STK33: variants seen among roughly 807,000 people sequenced by gnomAD.
The protein encoded by STK33 is serine/threonine-protein kinase 33.
In STK33, 52 loss-of-function variants were observed where a neutral mutation model predicts 58.0. The observed-to-expected ratio is 0.90, with a 90% CI of 0.72 to 1.13. STK33 has a LOEUF of 1.13. STK33 is among the 50% of genes most tolerant of loss of function. The pLI is 0.00. For synonymous variants in STK33, 215 were observed against 200.1 expected (o/e 1.07, Z -0.63); for missense variants, 630 against 604.2 (o/e 1.04, Z -0.45).
intron 15 of STK33, among the ~76,000 whole-genome samples, chr11:8,399,477 A>G (rs1439696993): frequency 6.6e-6 from 1 of 152,182 alleles, no homozygotes; most frequent in Non-Finnish European, 1.5e-5. Flanking sequence ...AGTGTGTAGA[A>G]GGAAATTTAT....
At chr11:8,406,182 A>T (rs182723507) in intron 15 of STK33, among the ~76,000 whole-genome samples, 42 of 149,864 alleles carry the variant, frequency 2.8e-4, no homozygotes, top group African/African-American at 9.5e-4. Context: ...AACTGACTGT[A>T]TAAACATGGG....
intron 11 of STK33, among the ~76,000 whole-genome samples, chr11:8,443,710 A>T (rs2136514028): frequency 6.6e-6 from 1 of 152,316 alleles, no homozygotes; most frequent in South Asian, 2.1e-4. Context: ...TATAATAAAA[A>T]ACAAACCACT....
chr11:8,417,126 T>C (rs945487202), intron 14 of STK33, among the ~76,000 whole-genome samples: 79 of 152,106 alleles, frequency 5.2e-4, no homozygotes, highest in African/African-American at 1.9e-3. Flanking sequence ...AACACTAACC[T>C]CTGAACTCCT....
At chr11:8,475,338 T>C (rs963918995) in intron 4 of STK33, 2 of 154,046 alleles carry the variant, frequency 1.3e-5, no homozygotes, top group African/African-American at 4.8e-5. Context: ...CTTGGAAATT[T>C]CTGTGAAACT....
chr11:8,465,844 C>T (rs1207289387), intron 6 of STK33: 1 of 154,522 alleles, frequency 6.5e-6, no homozygotes, highest in Non-Finnish European at 1.4e-5. Flanking sequence ...GGGCAATTTA[C>T]AAAAGAAAGA....
rs114389165 is a variant in STK33 at position 8,549,301 on chromosome 11, C to T, written c.-466+44782G>A. Reference sequence around the variant, plus strand: ...ATTAATTTACATATGATGAACCATCCTTGCATCCCTGGTGTAAATCACACT... The same window carrying T: ...ATTAATTTACATATGATGAACCATCTTTGCATCCCTGGTGTAAATCACACT... On this transcript the variant is annotated intron_variant, in intron 1 of 15. Transcript: ENST00000687296. Among the ~76,000 whole-genome samples the T allele has an allele frequency of 3.8e-3, 581 of 152,250 alleles. 7 individuals are homozygous for T. Among genetic ancestry groups the T allele is most frequent in the African/African-American group, 0.014 (562 of 41,536 alleles).
intron 1 of STK33, among the ~76,000 whole-genome samples, chr11:8,505,280 T>C (rs1305572771): frequency 6.6e-6 from 1 of 152,244 alleles, no homozygotes; most frequent in African/African-American, 2.4e-5. Context: ...CGCAGTCTGT[T>C]ACCTATTTAA....
At chr11:8,573,477 T>C (rs1957963850) in intron 1 of STK33, among the ~76,000 whole-genome samples, 2 of 152,358 alleles carry the variant, frequency 1.3e-5, no homozygotes, top group South Asian at 4.1e-4. Flanking sequence ...CCTACACTGT[T>C]GGTGGGCATG....
rs185700521 is a variant in STK33 at position 8,409,813 on chromosome 11, C to T, written c.1344+3682G>A. On this transcript the variant is annotated intron_variant, in intron 15 of 15. Coordinates refer to ENST00000687296, the MANE Select transcript of STK33 (RefSeq NM_001352389.2). ...GGCTAACATTAATAAGTACTTACCA[C>T]GTGACAAGAGTGTTACGTGCATGAT... Among the ~76,000 whole-genome samples, 12 of 152,158 alleles carry T rather than the reference C, an allele frequency of 7.9e-5. No homozygotes were observed. The East Asian group carries it at 1.9e-3, about 24-fold the overall frequency.
chr11:8,419,612 T>G (rs1941625556), intron 14 of STK33, among the ~76,000 whole-genome samples: 1 of 152,204 alleles, frequency 6.6e-6, no homozygotes, highest in South Asian at 2.1e-4. Context: ...TTTCTAGTTC[T>G]GCAAAGAATG....
rs113865895 is a variant in STK33, at chr11:8,393,814, A to G, written c.1345-1104T>C. Among the ~76,000 whole-genome samples the G allele has an allele frequency of 4.5e-3, 679 of 152,338 alleles. 6 individuals are homozygous for G. Among genetic ancestry groups the G allele is most frequent in the African/African-American group, 0.016 (653 of 41,578 alleles). On this transcript the variant is annotated intron_variant, in intron 15 of 15. Coordinates refer to ENST00000687296, the MANE Select transcript of STK33 (RefSeq NM_001352389.2). Reference sequence around the variant, plus strand: ...AATATTCAGTAGTAGCACTTAATATATGTTTGCCTAGTGAATCCATGACTT... The same window carrying G: ...AATATTCAGTAGTAGCACTTAATATGTGTTTGCCTAGTGAATCCATGACTT...
intron 1 of STK33, among the ~76,000 whole-genome samples, chr11:8,591,384 G>T (rs2032565179): frequency 6.6e-6 from 1 of 152,086 alleles, no homozygotes; most frequent in Non-Finnish European, 1.5e-5. Context: ...TCTCTTCATG[G>T]GAAGGACTTT....
At chr11:8,529,063 G>A (rs1001708524) in intron 1 of STK33, among the ~76,000 whole-genome samples, 4 of 152,112 alleles carry the variant, frequency 2.6e-5, no homozygotes, top group Non-Finnish European at 4.4e-5. Context: ...GGTCACATAC[G>A]TAGTAAACAG....
intron 1 of STK33, among the ~76,000 whole-genome samples, chr11:8,580,213 C>T (rs1336900497): frequency 1.3e-5 from 2 of 152,074 alleles, no homozygotes; most frequent in Non-Finnish European, 2.9e-5. Context: ...TTGGGGGCAA[C>T]CTAAGTGTCC....
At chr11:8,485,880 TA>T (rs1045063593) in intron 1 of STK33, among the ~76,000 whole-genome samples, 22 of 152,346 alleles carry the variant, frequency 1.4e-4, no homozygotes, top group African/African-American at 5.3e-4. Context: ...TCTAAATAGC[TA>T]TTGAAATAGA....
chr11:8,492,471 G>T (rs1172273946), intron 1 of STK33, among the ~76,000 whole-genome samples: 4 of 152,144 alleles, frequency 2.6e-5, no homozygotes, highest in African/African-American at 9.6e-5. Flanking sequence ...ACTACAAAGA[G>T]ACTTAGACTC....
chr11:8,476,009 C>G (rs532566671), intron 4 of STK33, among the ~76,000 whole-genome samples: 6 of 152,226 alleles, frequency 3.9e-5, no homozygotes, highest in Admixed American at 3.3e-4. Context: ...AATCAGAAAG[C>G]TGTGCTTTTA....
At chr11:8,513,872 C>T (rs1416734042) in intron 1 of STK33, among the ~76,000 whole-genome samples, 1 of 152,106 alleles carries the variant, frequency 6.6e-6, no homozygotes, top group Non-Finnish European at 1.5e-5. Context: ...TGATTATTGA[C>T]TACTGTCACC....
the STK33 span, among the ~76,000 whole-genome samples, chr11:8,338,604 AG>A: frequency 6.6e-6 from 1 of 152,090 alleles, no homozygotes; most frequent in Non-Finnish European, 1.5e-5. Flanking sequence ...ACTATACCCT[AG>A]GCCAGGTGGT....
Sources: allele counts gnomAD v4.1 joint callset (sites outside exome capture counted in the v4.1 genomes callset), GRCh38; gene constraint gnomAD v4.1.1; transcripts MANE v1.5; gene names NCBI Gene and HGNC (gene_info 2026-07-23, HGNC 2026-07-21).